MACF1: variants seen among roughly 807,000 people sequenced by gnomAD.
MACF1 encodes the protein microtubule-actin cross-linking factor 1.
MACF1 carries 193 observed loss-of-function variants against 854.8 expected under a neutral mutation model. That is an observed-to-expected ratio of 0.23 (90% confidence interval 0.20 to 0.25). The LOEUF is 0.25. Ranked by LOEUF, MACF1 falls within the 10% of genes least tolerant of loss-of-function variation. MACF1 has a pLI of 1.00. For missense variants in MACF1, 7,722 were observed against 8,929.1 expected (o/e 0.86, Z 5.45); for synonymous variants, 3,185 against 3,226.7 (o/e 0.99, Z 0.44).
chr1:39,150,963 G>A (rs569285086), intron 2 of MACF1, among the ~76,000 whole-genome samples: 1 of 152,116 alleles, frequency 6.6e-6, no homozygotes, highest in African/African-American at 2.4e-5. Flanking sequence ...TTCAACTGCT[G>A]TGGTGACTCT....
chr1:39,467,079 A>G (rs889860956), intron 95 of MACF1, among the ~76,000 whole-genome samples: 2 of 152,192 alleles, frequency 1.3e-5, no homozygotes, highest in Non-Finnish European at 2.9e-5. Context: ...TAACTTTGAA[A>G]ATCCTGGCCG....
intron 28 of MACF1, among the ~76,000 whole-genome samples, 156 bp from the exon 29 acceptor site, chr1:39,317,058 T>C (rs554123192): frequency 1.3e-5 from 2 of 152,232 alleles, no homozygotes; most frequent in African/African-American, 2.4e-5. Context: ...GCAGAGACCA[T>C]GACATGTGGA....
intron 58 of MACF1, chr1:39,411,322 G>A: frequency 6.2e-7 from 1 of 1,614,042 alleles, no homozygotes; most frequent in Non-Finnish European, 8.5e-7. Context: ...GATGGCAGAT[G>A]AGAAGAACAG....
rs1205974133 is a variant in MACF1, at chr1:39,132,699, T to G, written c.220+48261T>G. Among the ~76,000 whole-genome samples the G allele has an allele frequency of 3.9e-5, 6 of 152,120 alleles. No individual in the cohort carries two copies. In the East Asian group the frequency reaches 1.2e-3, roughly 29 times the overall value. ...ATGGATATTTTTTTTCATTTCCTGTTTGATAGCATATTTTCTGAGTACCAG... is the reference window on the plus strand; with the variant it reads ...ATGGATATTTTTTTTCATTTCCTGTGTGATAGCATATTTTCTGAGTACCAG... On this transcript the variant is annotated intron_variant, in intron 2 of 93. Transcript: ENST00000361689.
rs139765677 is a variant in MACF1, at chr1:39,174,040, C to G, written c.221-57142C>G. On this transcript the variant is annotated intron_variant, in intron 2 of 93. Transcript: ENST00000361689. ...TAAATAGAACTAAGGGAGACTTAAT[C>G]GTGCTTTACCGCACATTTGTGCAGA... Among the ~76,000 whole-genome samples the G allele has an allele frequency of 3.9e-5, 6 of 152,074 alleles. No individual in the cohort carries two copies. The East Asian group carries it at 7.7e-4, about 20-fold the overall frequency.
chr1:39,205,188 G>T, intron 1 of MACF1, 57 bp downstream of exon 1: 1 of 700,506 alleles, frequency 1.4e-6, no homozygotes, highest in Admixed American at 2.0e-5. Flanking sequence ...TTGAGGGTGG[G>T]GTGAATGATG....
At chr1:39,337,133 C>G in intron 37 of MACF1, 49 bp from the exon 38 acceptor site, 1 of 1,564,932 alleles carries the variant, frequency 6.4e-7, no homozygotes, top group Non-Finnish European at 8.6e-7. Flanking sequence ...TTAAAGCTGA[C>G]TTACAGGAGA....
At position 39,097,038 on chromosome 1, in the gene MACF1, G is replaced by A. The variant is rs535489611; in HGVS notation, c.220+12600G>A. Reference sequence around the variant, plus strand: ...ATTACAGGTGCCCACCACCACGCCCGGCTAATTTTTGTATTTTTAGTAGAG... The same window carrying A: ...ATTACAGGTGCCCACCACCACGCCCAGCTAATTTTTGTATTTTTAGTAGAG... On this transcript the variant is annotated intron_variant, in intron 2 of 93. Coordinates refer to the MACF1 transcript ENST00000361689. Among the ~76,000 whole-genome samples, 125 of 151,950 alleles carry A rather than the reference G, an allele frequency of 8.2e-4. 1 individual carries two copies. Among genetic ancestry groups the A allele is most frequent in the Non-Finnish European group, 1.3e-3 (91 of 67,952 alleles).
rs761855249 is a variant in MACF1 at position 39,387,192 on chromosome 1, C to T, written c.14350C>T (p.Arg4784Cys). 6.2e-7 allele frequency: 1 copy of T among 1,608,654 alleles called. No homozygotes were observed. Among genetic ancestry groups the T allele is most frequent in the Non-Finnish European group, 8.5e-7 (1 of 1,177,484 alleles). Residue 4784 changes from arginine (R) to cysteine (C), a missense_variant, in exon 58 of 101, where the codon CGC (arginine) becomes TGC (cysteine). Around this residue, in one of 15 missense-constraint regions of MACF1, gnomAD observed 2,807 missense variants for 3,235.8 expected, o/e 0.87. Transcript: ENST00000564288. ...ATTTTATTTTCTCATTTCAGCCGAT[C>T]GCATTAACAGACTCCAGGCAGCTCT... ...LQGLEDLAAD[R>C]INRLQAALAS...
At chr1:39,475,885 T>C (rs1317162670) in intron 97 of MACF1, among the ~76,000 whole-genome samples, 1 of 152,142 alleles carries the variant, frequency 6.6e-6, no homozygotes, top group Non-Finnish European at 1.5e-5. Context: ...AGAACAGGAC[T>C]GTGGACAGAC....
intron 80 of MACF1, among the ~76,000 whole-genome samples, chr1:39,445,697 C>T (rs12565894): frequency 0.024 from 3,711 of 152,308 alleles, 118 homozygotes; most frequent in East Asian, 0.17. Context: ...TGGTGGCTCA[C>T]GCCTGTAATT....
chr1:39,269,353 G>T lies in MACF1; in HGVS notation c.528+11325G>T, dbSNP rs761804726. 7 of 1,289,834 alleles carry T rather than the reference G, an allele frequency of 5.4e-6. No individual in the cohort carries two copies. The South Asian group carries it at 7.4e-5, about 14-fold the overall frequency. The allele number at this position is 1,289,834 out of a possible 1,614,324, so 79.9% of individuals were successfully genotyped here. A position where few individuals can be genotyped will look rare whatever the true frequency, so the allele number is the denominator to read the frequency against. ...GGAAATCAAGAACAATTTTCAGAGG[G>T]CTGGAGTGTGGAGGAAGGAACCAAG... On this transcript the variant is annotated intron_variant, in intron 6 of 100. Coordinates refer to ENST00000564288, the MANE Select transcript of MACF1 (RefSeq NM_001394062.1).
At position 39,332,075 on chromosome 1, in the gene MACF1, C is replaced by CA. The variant is rs745523220; in HGVS notation, c.5489dup (p.Asn1830LysfsTer2). On this transcript the variant is annotated frameshift_variant, in exon 37 of 101. Coordinates refer to ENST00000564288, the MANE Select transcript of MACF1 (RefSeq NM_001394062.1). LOFTEE classifies it high-confidence loss of function. ...GGCTAACAATAGATGAAGCAGTGAG[C>CA]AATGATCTAGTAGCTGCTAAGATCG... 6.2e-7 allele frequency: 1 copy of CA among 1,614,046 alleles called. No individual in the cohort carries two copies. Among genetic ancestry groups the CA allele is most frequent in the African/African-American group, 1.3e-5 (1 of 75,006 alleles).
Position 39,350,775 on chromosome 1 carries a change from T to C in MACF1, c.10966-10T>C. The C allele has an allele frequency of 6.2e-7, 1 of 1,605,722 alleles. No homozygotes were observed. Among genetic ancestry groups the C allele is most frequent in the Non-Finnish European group, 8.5e-7 (1 of 1,172,618 alleles). On this transcript the variant is annotated splice_polypyrimidine_tract_variant and intron_variant, in intron 42 of 100. Coordinates refer to ENST00000564288, the MANE Select transcript of MACF1 (RefSeq NM_001394062.1). ...CGAAGGCTCTGCCATTCCTATTTTCTTGTGTTAAGGATTTACAGGATGACA... is the reference window on the plus strand; with the variant it reads ...CGAAGGCTCTGCCATTCCTATTTTCCTGTGTTAAGGATTTACAGGATGACA...
At chr1:39,191,325 T>A (rs1644253335) in intron 2 of MACF1, among the ~76,000 whole-genome samples, 1 of 152,158 alleles carries the variant, frequency 6.6e-6, no homozygotes. Flanking sequence ...GTAAATTGTC[T>A]GTGTCAAAGA....
intron 2 of MACF1, among the ~76,000 whole-genome samples, chr1:39,102,126 G>C (rs1642098282): frequency 6.6e-6 from 1 of 151,634 alleles, no homozygotes; most frequent in Non-Finnish European, 1.5e-5. Context: ...GCAGTAAGCC[G>C]AGATCGCGCC....
At chr1:39,230,202 G>T (rs1371149791) in intron 1 of MACF1, among the ~76,000 whole-genome samples, 1 of 152,242 alleles carries the variant, frequency 6.6e-6, no homozygotes, top group African/African-American at 2.4e-5. Context: ...GGCCCAAAAT[G>T]TGGCAGTGTG....
At chr1:39,254,427 G>T (rs1571225819) in intron 5 of MACF1, 52 bp downstream of exon 5, 3 of 1,533,576 alleles carry the variant, frequency 2.0e-6, no homozygotes, top group Admixed American at 1.7e-5. Context: ...TGGCATTGGG[G>T]CCCTATTCAG....
At chr1:39,085,256 G>A (rs963718898) in intron 2 of MACF1, among the ~76,000 whole-genome samples, 4 of 152,218 alleles carry the variant, frequency 2.6e-5, no homozygotes, top group African/African-American at 9.6e-5. Flanking sequence ...AATAATGTGT[G>A]GAAAGCCCTT....
Sources: allele counts gnomAD v4.1 joint callset (sites outside exome capture counted in the v4.1 genomes callset), GRCh38; gene constraint gnomAD v4.1.1; regional missense constraint gnomAD v4.1.1; transcripts MANE v1.5; gene names NCBI Gene and HGNC (gene_info 2026-07-23, HGNC 2026-07-21).